The following CHCHD6 variants were observed in gnomAD, a reference collection of about 807,000 sequenced individuals.
The protein encoded by CHCHD6 is MICOS complex subunit MIC25.
In CHCHD6, 28 loss-of-function variants were observed where a neutral mutation model predicts 32.3. That is an observed-to-expected ratio of 0.87 (90% CI 0.64 to 1.19). The LOEUF (loss-of-function observed/expected upper bound fraction) is 1.19, where lower values mean the gene tolerates loss of function less well. Among genes scored for constraint, CHCHD6 ranks in the 50% most tolerant of loss-of-function variants. The pLI, the probability that CHCHD6 is intolerant of heterozygous loss-of-function variation, is 0.00. For missense variants in CHCHD6, 333 were observed against 307.0 expected, an observed-to-expected ratio of 1.08 and a Z score of -0.63; for synonymous variants, 122 against 117.5, an observed-to-expected ratio of 1.04 and a Z score of -0.25.
At chr3:126,788,897 C>A (rs1334752609) in intron 4 of CHCHD6, among the ~76,000 whole-genome samples, 1 of 152,090 alleles carries the variant, frequency 6.6e-6, no homozygotes, top group Non-Finnish European at 1.5e-5. Context: ...TTCTCTAGTT[C>A]TTTTAATTGT....
At chr3:126,769,211 G>A (rs1047442126) in intron 4 of CHCHD6, among the ~76,000 whole-genome samples, 1 of 152,172 alleles carries the variant, frequency 6.6e-6, no homozygotes, top group African/African-American at 2.4e-5. Flanking sequence ...TGTATTGTAA[G>A]GTAGGGGTTC....
rs575609674 is a variant in CHCHD6 at position 126,958,609 on chromosome 3, C to T, written c.702+1058C>T. The stretch of plus-strand genomic sequence containing the variant: ...CCATCTGCCAAGGCTGATTGTTCCA[C>T]TCTTTGCTGGTCACAGCCCCGTCCA... On this transcript the variant is annotated intron_variant, in intron 7 of 7. Transcript: ENST00000290913. 2.1e-3 allele frequency among the ~76,000 whole-genome samples: 327 copies of T among 152,334 alleles called. 3 individuals are homozygous for T. The highest frequency in any genetic ancestry group is 2.8e-3 in the Non-Finnish European group (193 of 68,024).
chr3:126,874,863 C>G (rs778457426), intron 5 of CHCHD6, among the ~76,000 whole-genome samples: 109 of 152,292 alleles, frequency 7.2e-4, no homozygotes, highest in Non-Finnish European at 9.1e-4. Context: ...GTGTCCTAGC[C>G]CCTTCTGGCT....
chr3:126,730,517 C>G, intron 2 of CHCHD6, 44 bp from the exon 3 acceptor site: 1 of 1,564,398 alleles, frequency 6.4e-7, no homozygotes, highest in East Asian at 2.2e-5. Context: ...CTTCGTGGAC[C>G]CTGGGGTGCC....
At chr3:126,727,740 C>T (rs748888715) in intron 2 of CHCHD6, among the ~76,000 whole-genome samples, 27 of 152,142 alleles carry the variant, frequency 1.8e-4, no homozygotes, top group Non-Finnish European at 3.2e-4. Context: ...GTGCTCAAGC[C>T]GGGCTCAAAG....
chr3:126,785,183 T>C (rs938083224), intron 4 of CHCHD6, among the ~76,000 whole-genome samples: 7 of 152,150 alleles, frequency 4.6e-5, no homozygotes, highest in African/African-American at 1.7e-4. Flanking sequence ...GGGTGGTGAC[T>C]GTCCTTTTCA....
chr3:126,844,674 T>C (rs1941230356), intron 4 of CHCHD6, among the ~76,000 whole-genome samples: 1 of 152,206 alleles, frequency 6.6e-6, no homozygotes, highest in Admixed American at 6.5e-5. Context: ...GGAAGAATAA[T>C]GGCCCCCCAA....
chr3:126,791,362 A>G (rs1011874194), intron 4 of CHCHD6, among the ~76,000 whole-genome samples: 3 of 152,224 alleles, frequency 2.0e-5, no homozygotes, highest in Non-Finnish European at 4.4e-5. Context: ...TCAGACAGGG[A>G]CATTTAAGTC....
chr3:126,953,565 GAGCTGCACTTCAC>G (rs1200651315), intron 6 of CHCHD6, among the ~76,000 whole-genome samples: 1 of 152,216 alleles, frequency 6.6e-6, no homozygotes, highest in Non-Finnish European at 1.5e-5. Flanking sequence ...GTTGCTATGA[GAGCTGCACTTCAC>G]AGCATGCAAT....
chr3:126,887,154 C>A (rs2077689884), intron 5 of CHCHD6, among the ~76,000 whole-genome samples: 1 of 152,064 alleles, frequency 6.6e-6, no homozygotes, highest in Non-Finnish European at 1.5e-5. Flanking sequence ...AATGGAAAGC[C>A]ATCACCTGAT....
At chr3:126,823,045 A>G (rs1375601070) in intron 4 of CHCHD6, among the ~76,000 whole-genome samples, 1 of 152,046 alleles carries the variant, frequency 6.6e-6, no homozygotes, top group Non-Finnish European at 1.5e-5. Flanking sequence ...AGCTGGGACT[A>G]CAGGCACACA....
intron 5 of CHCHD6, among the ~76,000 whole-genome samples, chr3:126,864,845 T>G (rs1238353022): frequency 1.9e-5 from 1 of 52,110 alleles, no homozygotes; most frequent in South Asian, 8.3e-4. Context: ...TCCTCCACCA[T>G]CATCTCCTCT....
At chr3:126,903,316 C>T (rs1041049460) in intron 5 of CHCHD6, among the ~76,000 whole-genome samples, 9 of 152,172 alleles carry the variant, frequency 5.9e-5, no homozygotes, top group East Asian at 1.9e-4. Flanking sequence ...TCTGAGCAGC[C>T]GCACTGGATC....
In CHCHD6 at chr3:126,730,639, G is replaced by A. The variant is rs771437167; in HGVS notation, c.266+9G>A. On this transcript the variant is annotated intron_variant, in intron 3 of 7. Coordinates refer to ENST00000290913, the MANE Select transcript of CHCHD6 (RefSeq NM_032343.3). ...AAGGAGGGTGTCAAGAGGTGAGCCC[G>A]AGAGCCTGCTTGCTCCCGGCACTGC... 10 of 1,612,796 alleles carry A rather than the reference G, an allele frequency of 6.2e-6. No homozygotes were observed. Among genetic ancestry groups the A allele is most frequent in the Middle Eastern group, 1.7e-4 (1 of 6,038 alleles).
chr3:126,905,213 T>G (rs1287464552), intron 5 of CHCHD6, among the ~76,000 whole-genome samples: 1 of 152,126 alleles, frequency 6.6e-6, no homozygotes, highest in Non-Finnish European at 1.5e-5. Context: ...CGGGTCCCAG[T>G]CTAAGCCAGG....
intron 4 of CHCHD6, among the ~76,000 whole-genome samples, chr3:126,741,463 C>G (rs758123758): frequency 6.6e-5 from 10 of 151,948 alleles, no homozygotes; most frequent in Non-Finnish European, 1.3e-4. Context: ...TTATTGATGG[C>G]CAGATGCCAT....
chr3:126,926,896 G>A (rs925531402), intron 6 of CHCHD6, among the ~76,000 whole-genome samples: 5 of 152,120 alleles, frequency 3.3e-5, no homozygotes, highest in Admixed American at 2.0e-4. Flanking sequence ...CCACTCCCAC[G>A]CCGGCACTGT....
At chr3:126,727,408 G>C (rs1935587228) in intron 2 of CHCHD6, among the ~76,000 whole-genome samples, 5 of 152,190 alleles carry the variant, frequency 3.3e-5, no homozygotes. Context: ...TTCCCTCTGT[G>C]CCACTTTCTC....
At chr3:126,812,015 A>G (rs1199544959) in intron 4 of CHCHD6, among the ~76,000 whole-genome samples, 1 of 152,068 alleles carries the variant, frequency 6.6e-6, no homozygotes, top group Non-Finnish European at 1.5e-5. Context: ...GGGCAAGAGC[A>G]TCGCTTTTAC....
Sources: gnomAD v4.1 joint callset for allele counts (sites outside exome capture counted in the v4.1 genomes callset) on GRCh38, gnomAD v4.1.1 for gene constraint, MANE v1.5 for transcripts, NCBI Gene and HGNC (gene_info 2026-07-23, HGNC 2026-07-21) for gene names.